Variants in CSMD1 observed in about 807,000 individuals in gnomAD.
CSMD1 encodes the protein CUB and Sushi multiple domains 1, also known as CUB and sushi domain-containing protein 1.
In CSMD1, 213 loss-of-function variants were observed where a neutral mutation model predicts 417.5. The observed-to-expected ratio is 0.51, with a 90% CI of 0.46 to 0.57. The LOEUF is 0.57. Ranked by LOEUF, CSMD1 falls within the 20% of genes least tolerant of loss-of-function variation. The pLI, the probability that CSMD1 is intolerant of heterozygous loss-of-function variation, is 0.00. For missense variants in CSMD1, 6,923 were observed against 4,529.7 expected (o/e 1.53, Z -15.17); for synonymous variants, 2,862 against 1,736.8 (o/e 1.65, Z -16.11).
intron 12 of CSMD1, among the ~76,000 whole-genome samples, chr8:3,462,274 T>C (rs73174854): frequency 0.26 from 38,977 of 152,062 alleles, 5,684 homozygotes; most frequent in South Asian, 0.34. Flanking sequence ...TGGAAGACTA[T>C]ACAGTGCCAT....
chr8:3,044,515 T>C (rs146229410), intron 50 of CSMD1, among the ~76,000 whole-genome samples: 142 of 152,310 alleles, frequency 9.3e-4, no homozygotes, highest in African/African-American at 3.3e-3. Flanking sequence ...TCTTTCATCA[T>C]TTTGTCAGAC....
intron 28 of CSMD1, among the ~76,000 whole-genome samples, chr8:3,222,600 T>C (rs758222910): frequency 7.2e-5 from 11 of 152,170 alleles, no homozygotes; most frequent in Non-Finnish European, 1.0e-4. Context: ...TGAACCACCA[T>C]GCCTGGCTTC....
intron 5 of CSMD1, among the ~76,000 whole-genome samples, chr8:3,783,586 G>C (rs1003895134): frequency 9.2e-5 from 14 of 152,198 alleles, no homozygotes; most frequent in Non-Finnish European, 7.4e-5. Flanking sequence ...GAGAGAGTTG[G>C]ACACAGTAGC....
chr8:4,874,991 C>A (rs973443864), intron 1 of CSMD1, among the ~76,000 whole-genome samples: 15 of 151,198 alleles, frequency 9.9e-5, no homozygotes, highest in Admixed American at 7.9e-4. Flanking sequence ...TCTTTCCCTT[C>A]CCTTCCCTTC....
chr8:4,690,348 C>G (rs1250285853), intron 1 of CSMD1, among the ~76,000 whole-genome samples: 1 of 152,116 alleles, frequency 6.6e-6, no homozygotes, highest in African/African-American at 2.4e-5. Flanking sequence ...CAGCTACTTC[C>G]CTTCACCTAT....
Position 3,774,791 on chromosome 8 carries a change from T to C in CSMD1, c.819-20749A>G, listed in dbSNP as rs111286139. Among the ~76,000 whole-genome samples the C allele has an allele frequency of 3.8e-3, 581 of 152,286 alleles. 8 individuals carry two copies. The highest frequency in any genetic ancestry group is 0.013 in the African/African-American group (549 of 41,558). On this transcript the variant is annotated intron_variant, in intron 5 of 69. Coordinates refer to ENST00000635120, the MANE Select transcript of CSMD1 (RefSeq NM_033225.6). ...ACAATATGGATGACACAGTGTCCGT[T>C]TTTAAGCCATGACTGTGCTGCCCCG...
rs1032279149 is a variant in CSMD1 at position 4,698,269 on chromosome 8, G to A, written c.86-60711C>T. 2.6e-4 allele frequency among the ~76,000 whole-genome samples: 40 copies of A among 151,870 alleles called. 1 individual carries two copies. The highest frequency in any genetic ancestry group is 2.0e-3 in the Admixed American group (31 of 15,236). The stretch of plus-strand genomic sequence containing the variant: ...CATTTTAGTCAACATGAAGAGCTGT[G>A]TCGAATGCTGTATAAAGGCTCGTTT... On this transcript the variant is annotated intron_variant, in intron 1 of 69. Coordinates refer to ENST00000635120, the MANE Select transcript of CSMD1 (RefSeq NM_033225.6).
At chr8:3,532,094 C>T (rs747595338) in intron 10 of CSMD1, among the ~76,000 whole-genome samples, 3 of 152,176 alleles carry the variant, frequency 2.0e-5, no homozygotes, top group African/African-American at 7.2e-5. Flanking sequence ...CCCCTACATT[C>T]CACTTTGAGA....
chr8:3,323,579 T>G (rs749008056), intron 23 of CSMD1, among the ~76,000 whole-genome samples: 1 of 152,162 alleles, frequency 6.6e-6, no homozygotes, highest in Non-Finnish European at 1.5e-5. Flanking sequence ...TAAAATACTC[T>G]TTGATTTTTT....
At chr8:4,831,568 C>G (rs1800148930) in intron 1 of CSMD1, among the ~76,000 whole-genome samples, 1 of 152,046 alleles carries the variant, frequency 6.6e-6, no homozygotes, top group Non-Finnish European at 1.5e-5. Flanking sequence ...TTAAGGAACT[C>G]TTACAAAATG....
intron 18 of CSMD1, among the ~76,000 whole-genome samples, chr8:3,376,275 C>T (rs1323828964): frequency 2.0e-5 from 3 of 151,788 alleles, no homozygotes; most frequent in Non-Finnish European, 4.4e-5. Flanking sequence ...TAATTGCCTG[C>T]AAGTATGGAT....
rs1177199653 is a variant in CSMD1, at chr8:4,266,308, G to C, written c.415+153645C>G. 1.0e-3 allele frequency among the ~76,000 whole-genome samples: 105 copies of C among 104,782 alleles called. 19 individuals are homozygous for C. The highest frequency in any genetic ancestry group is 2.7e-3 in the African/African-American group (102 of 38,472). 68.7% of individuals were successfully genotyped at this position (104,782 alleles called of 152,430 possible). A position where few individuals can be genotyped will look rare whatever the true frequency, so the allele number is the denominator to read the frequency against. ...TTTTGTTTTCTATGTAAGAGAAACTGTCCAGGTCTTAGAAACAGTTGATTT... is the reference window on the plus strand; with the variant it reads ...TTTTGTTTTCTATGTAAGAGAAACTCTCCAGGTCTTAGAAACAGTTGATTT... On this transcript the variant is annotated intron_variant, in intron 3 of 69. Coordinates refer to ENST00000635120, the MANE Select transcript of CSMD1 (RefSeq NM_033225.6).
At chr8:4,783,803 C>A (rs1282747060) in intron 1 of CSMD1, among the ~76,000 whole-genome samples, 2 of 152,172 alleles carry the variant, frequency 1.3e-5, no homozygotes, top group Non-Finnish European at 2.9e-5. Context: ...GGCTTTGACA[C>A]AAGGCATCAA....
intron 21 of CSMD1, among the ~76,000 whole-genome samples, chr8:3,349,072 C>G (rs1022097679): frequency 6.6e-6 from 1 of 152,154 alleles, no homozygotes; most frequent in South Asian, 2.1e-4. Flanking sequence ...TACTATGTGC[C>G]CAGCACACCG....
intron 17 of CSMD1, among the ~76,000 whole-genome samples, chr8:3,393,885 T>A (rs1332345936): frequency 1.3e-5 from 2 of 150,712 alleles, no homozygotes; most frequent in Admixed American, 6.6e-5. Context: ...ATATACCTAA[T>A]GTAAATGACG....
At chr8:4,833,340 A>G (rs917416803) in intron 1 of CSMD1, among the ~76,000 whole-genome samples, 1 of 152,186 alleles carries the variant, frequency 6.6e-6, no homozygotes, top group Admixed American at 6.5e-5. Context: ...GCAGAAGACA[A>G]TGGTGAAGGA....
chr8:3,924,319 C>G (rs185689912), intron 5 of CSMD1, among the ~76,000 whole-genome samples: 1 of 152,282 alleles, frequency 6.6e-6, no homozygotes, highest in East Asian at 1.9e-4. Flanking sequence ...TTGTCTATGA[C>G]TTTTGACAGT....
chr8:4,314,588 G>A (rs1463208310), intron 3 of CSMD1, among the ~76,000 whole-genome samples: 4 of 128,946 alleles, frequency 3.1e-5, no homozygotes, highest in African/African-American at 1.2e-4. Flanking sequence ...TTATGCTACT[G>A]GTTGTATTAC....
chr8:4,938,198 T>G (rs151101319), intron 1 of CSMD1, among the ~76,000 whole-genome samples: 90 of 152,310 alleles, frequency 5.9e-4, no homozygotes, highest in Middle Eastern at 3.4e-3. Flanking sequence ...ACTGTTGACT[T>G]TGAGCTACTA....
Sources: gnomAD v4.1 joint callset for allele counts (sites outside exome capture counted in the v4.1 genomes callset) on GRCh38, gnomAD v4.1.1 for gene constraint, MANE v1.5 for transcripts, NCBI Gene and HGNC (gene_info 2026-07-23, HGNC 2026-07-21) for gene names.